MCC: variants seen among roughly 807,000 people sequenced by gnomAD.
MCC encodes the protein MCC regulator of Wnt signaling pathway.
A neutral mutation model predicts 116.2 loss-of-function variants in MCC; 90 were observed. That is an observed-to-expected ratio of 0.77 (90% CI 0.65 to 0.92). The LOEUF is 0.92. Among genes scored for constraint, MCC ranks in the 40% least tolerant of loss-of-function variants. MCC has a pLI of 0.00. For synonymous variants in MCC, 578 were observed against 510.5 expected (o/e 1.13, Z -1.78); for missense variants, 1,516 against 1,312.2 (o/e 1.16, Z -2.40).
intron 3 of MCC, among the ~76,000 whole-genome samples, chr5:113,312,503 C>T (rs1206763993): frequency 6.6e-6 from 1 of 152,054 alleles, no homozygotes; most frequent in East Asian, 1.9e-4. Flanking sequence ...TACAAAGGCC[C>T]TGTAGGGAAG....
chr5:113,411,869 T>TATA (rs1770002486), intron 1 of MCC, among the ~76,000 whole-genome samples: 1 of 152,216 alleles, frequency 6.6e-6, no homozygotes, highest in Non-Finnish European at 1.5e-5. Context: ...TGAATGGTAT[T>TATA]CCCTGGGTTT....
At chr5:113,075,720 C>A (rs1408167172) in intron 11 of MCC, among the ~76,000 whole-genome samples, 6 of 152,196 alleles carry the variant, frequency 3.9e-5, no homozygotes, top group African/African-American at 1.4e-4. Flanking sequence ...AAGCAGGCTG[C>A]CCGAGCCAGC....
At chr5:113,252,384 T>A (rs997158997) in intron 3 of MCC, among the ~76,000 whole-genome samples, 1 of 152,162 alleles carries the variant, frequency 6.6e-6, no homozygotes, top group East Asian at 1.9e-4. Context: ...AGTGGTGGCA[T>A]TGCATTAGAT....
At chr5:113,081,803 C>T (rs1754874931) in intron 11 of MCC, among the ~76,000 whole-genome samples, 1 of 152,158 alleles carries the variant, frequency 6.6e-6, no homozygotes, top group African/African-American at 2.4e-5. Flanking sequence ...TTCTCAAGAA[C>T]TGTATTAAAC....
At chr5:113,199,787 C>T (rs1296275244) in intron 3 of MCC, among the ~76,000 whole-genome samples, 1 of 152,216 alleles carries the variant, frequency 6.6e-6, no homozygotes, top group African/African-American at 2.4e-5. Context: ...ACCACCAAGG[C>T]TAATACCATC....
intron 3 of MCC, among the ~76,000 whole-genome samples, chr5:113,275,065 A>C: frequency 6.6e-6 from 1 of 152,104 alleles, no homozygotes; most frequent in East Asian, 1.9e-4. Flanking sequence ...TTACTTCCTG[A>C]AAGCCACAAA....
intron 8 of MCC, among the ~76,000 whole-genome samples, chr5:113,085,842 C>G (rs1755168010): frequency 6.6e-6 from 1 of 152,196 alleles, no homozygotes; most frequent in South Asian, 2.1e-4. Context: ...GGTGCACACA[C>G]CACACCTGGC....
chr5:113,376,602 CACACAT>C (rs1374405818), intron 2 of MCC, among the ~76,000 whole-genome samples: 2 of 151,868 alleles, frequency 1.3e-5, no homozygotes, highest in East Asian at 1.9e-4. Context: ...CACACACACA[CACACAT>C]ATCAGTATTA....
intron 1 of MCC, among the ~76,000 whole-genome samples, chr5:113,402,293 CAA>C (rs371884386): frequency 7.2e-5 from 7 of 96,614 alleles, no homozygotes; most frequent in Non-Finnish European, 4.3e-5. Flanking sequence ...GACTCCGTCT[CAA>C]AAAAAAAAAA....
At chr5:113,041,577 C>T (rs1197155982) in intron 17 of MCC, among the ~76,000 whole-genome samples, 1 of 152,164 alleles carries the variant, frequency 6.6e-6, no homozygotes, top group Non-Finnish European at 1.5e-5. Context: ...GACTAGAGGG[C>T]TGTTATTAGC....
At position 113,076,087 on chromosome 5, in the gene MCC, T is replaced by C. The variant is rs543063635; in HGVS notation, c.1785-4853A>G. 1.5e-3 allele frequency among the ~76,000 whole-genome samples: 234 copies of C among 152,204 alleles called. 3 individuals are homozygous for C. The highest frequency in any genetic ancestry group is 5.4e-3 in the African/African-American group (223 of 41,526). On this transcript the variant is annotated intron_variant, in intron 11 of 18. Transcript: ENST00000408903. ...CATCTTTAAGAACTGTAACACTCAC[T>C]GCGAGGGTCCACGGCTTCATTCTTG...
intron 3 of MCC, among the ~76,000 whole-genome samples, chr5:113,274,286 C>G (rs573157244): frequency 3.3e-4 from 51 of 152,330 alleles, no homozygotes; most frequent in African/African-American, 1.2e-3. Flanking sequence ...ACCAACTTCC[C>G]CCTAGGAAAG....
intron 16 of MCC, among the ~76,000 whole-genome samples, chr5:113,044,277 T>C (rs1751924407): frequency 6.6e-6 from 1 of 152,144 alleles, no homozygotes; most frequent in Non-Finnish European, 1.5e-5. Context: ...GCCCACCCCA[T>C]GGCTTAGCAT....
chr5:113,305,871 C>A (rs1454961961), intron 3 of MCC, among the ~76,000 whole-genome samples: 1 of 152,166 alleles, frequency 6.6e-6, no homozygotes, highest in African/African-American at 2.4e-5. Flanking sequence ...AGAACATTTT[C>A]ATCACCCCCA....
At chr5:113,401,283 A>AT (rs1262968009) in intron 1 of MCC, among the ~76,000 whole-genome samples, 1 of 152,206 alleles carries the variant, frequency 6.6e-6, no homozygotes, top group African/African-American at 2.4e-5. Flanking sequence ...TATATAAAAG[A>AT]TTCACAGTGT....
chr5:113,427,851 G>C (rs1483711631), intron 1 of MCC, among the ~76,000 whole-genome samples: 1 of 152,106 alleles, frequency 6.6e-6, no homozygotes, highest in Non-Finnish European at 1.5e-5. Context: ...TCATACAAAA[G>C]TGAACTATAT....
intron 3 of MCC, among the ~76,000 whole-genome samples, chr5:113,322,406 A>G (rs1416880024): frequency 3.3e-5 from 5 of 152,246 alleles, no homozygotes; most frequent in Non-Finnish European, 5.9e-5. Context: ...GTATAAAATC[A>G]TACAGAAAAA....
At chr5:113,333,794 T>C (rs965283707) in intron 3 of MCC, among the ~76,000 whole-genome samples, 1 of 89,776 alleles carries the variant, frequency 1.1e-5, no homozygotes, top group South Asian at 3.5e-4. Flanking sequence ...TATATTTATA[T>C]ATATATGTAT....
chr5:113,147,533 C>T (rs1759594073), intron 4 of MCC, among the ~76,000 whole-genome samples: 1 of 152,118 alleles, frequency 6.6e-6, no homozygotes, highest in Non-Finnish European at 1.5e-5. Flanking sequence ...ATTTGTTAAC[C>T]CTCTCAACCA....
Sources: allele counts gnomAD v4.1 joint callset (sites outside exome capture counted in the v4.1 genomes callset), GRCh38; gene constraint gnomAD v4.1.1; transcripts MANE v1.5; gene names NCBI Gene and HGNC (gene_info 2026-07-23, HGNC 2026-07-21).